DLG2: variants seen among roughly 807,000 people sequenced by gnomAD.
The protein encoded by DLG2 is discs large MAGUK scaffold protein 2, also known as disks large homolog 2.
DLG2 carries 45 observed loss-of-function variants against 132.5 expected under a neutral mutation model. The ratio of observed to expected loss-of-function variants is 0.34; its 90% CI spans 0.27 to 0.44. The LOEUF (loss-of-function observed/expected upper bound fraction) is 0.44. Ranked by LOEUF, DLG2 falls within the 20% of genes least tolerant of loss-of-function variation. DLG2 has a pLI of 1.00. For missense variants in DLG2, 1,045 were observed against 1,196.9 expected, an observed-to-expected ratio of 0.87 and a Z score of 1.87; for synonymous variants, 424 against 419.6, an observed-to-expected ratio of 1.01 and a Z score of -0.13.
chr11:83,487,822 G>T (rs1285863617), intron 21 of DLG2, among the ~76,000 whole-genome samples: 3 of 151,890 alleles, frequency 2.0e-5, no homozygotes, highest in Non-Finnish European at 4.4e-5. Context: ...AAGAATTTAA[G>T]TGTGACAGGC....
intron 7 of DLG2, among the ~76,000 whole-genome samples, chr11:84,530,817 C>G (rs150377763): frequency 6.6e-6 from 1 of 152,196 alleles, no homozygotes; most frequent in Non-Finnish European, 1.5e-5. Flanking sequence ...TTAAGACACA[C>G]GCAAAGGTAT....
chr11:84,162,990 T>C (rs1204853670), intron 9 of DLG2, among the ~76,000 whole-genome samples: 1 of 152,150 alleles, frequency 6.6e-6, no homozygotes, highest in Non-Finnish European at 1.5e-5. Context: ...TACCAGCATA[T>C]TTGCAGAGCT....
chr11:84,281,730 G>C (rs1476195991), intron 7 of DLG2, among the ~76,000 whole-genome samples: 1 of 151,894 alleles, frequency 6.6e-6, no homozygotes, highest in Non-Finnish European at 1.5e-5. Flanking sequence ...CTTCACCAGT[G>C]AAGATATAGG....
chr11:85,512,481 T>A (rs1478553879), intron 3 of DLG2, among the ~76,000 whole-genome samples: 2 of 152,126 alleles, frequency 1.3e-5, no homozygotes, highest in Non-Finnish European at 2.9e-5. Context: ...AATATTATAT[T>A]GTGACCTTTC....
At chr11:85,510,255 A>G (rs1479714237) in intron 3 of DLG2, among the ~76,000 whole-genome samples, 2 of 152,058 alleles carry the variant, frequency 1.3e-5, no homozygotes, top group Non-Finnish European at 2.9e-5. Flanking sequence ...CAGAAGTCAT[A>G]CCAGGAAGAA....
At chr11:84,977,141 G>T (rs545500703) in intron 6 of DLG2, among the ~76,000 whole-genome samples, 1 of 152,122 alleles carries the variant, frequency 6.6e-6, no homozygotes, top group African/African-American at 2.4e-5. Context: ...ACTCCAAGGG[G>T]TGTATGCTGA....
intron 11 of DLG2, among the ~76,000 whole-genome samples, chr11:84,041,612 G>C (rs1764664758): frequency 6.6e-6 from 1 of 151,932 alleles, no homozygotes; most frequent in Non-Finnish European, 1.5e-5. Flanking sequence ...ATGTCTTCCT[G>C]TTTTACTCTG....
At chr11:84,691,482 A>G (rs1203226966) in intron 6 of DLG2, among the ~76,000 whole-genome samples, 1 of 151,892 alleles carries the variant, frequency 6.6e-6, no homozygotes, top group African/African-American at 2.4e-5. Flanking sequence ...AAACTATGTT[A>G]AAGCATTTTA....
intron 6 of DLG2, among the ~76,000 whole-genome samples, chr11:84,582,475 A>G (rs2099518880): frequency 6.7e-6 from 1 of 148,686 alleles, no homozygotes; most frequent in African/African-American, 2.4e-5. Flanking sequence ...ACATATAAAT[A>G]CATATATAAT....
intron 7 of DLG2, among the ~76,000 whole-genome samples, chr11:84,364,575 C>T (rs1178330220): frequency 6.6e-6 from 1 of 152,160 alleles, no homozygotes; most frequent in Non-Finnish European, 1.5e-5. Context: ...GAGAGGACAT[C>T]CCTGTCTTGT....
chr11:85,422,453 C>A (rs1197966450), intron 3 of DLG2, among the ~76,000 whole-genome samples: 1 of 151,276 alleles, frequency 6.6e-6, no homozygotes, highest in East Asian at 1.9e-4. Context: ...AAATTTCTTT[C>A]TTCTACTTGT....
At position 83,982,829 on chromosome 11, in the gene DLG2, TTTTA is replaced by T. The variant is rs1485080138; in HGVS notation, c.920-2191_920-2188del. On this transcript the variant is annotated intron_variant, in intron 11 of 27. Transcript: ENST00000376104. ...CTGTACAGATGTACCGTTGTTTATC[TTTTA>T]TTTTTTACTGTACTTTTTCTATGTT... 3.3e-5 allele frequency among the ~76,000 whole-genome samples: 5 copies of T among 152,254 alleles called. No homozygotes were observed. The East Asian group carries it at 7.7e-4, about 24-fold the overall frequency.
At chr11:83,796,921 G>A (rs1485697226) in intron 17 of DLG2, among the ~76,000 whole-genome samples, 1 of 152,152 alleles carries the variant, frequency 6.6e-6, no homozygotes, top group African/African-American at 2.4e-5. Flanking sequence ...AAAAAAGTCA[G>A]AATTCTGTGG....
chr11:83,837,930 T>C (rs1315113601), intron 16 of DLG2, among the ~76,000 whole-genome samples: 3 of 152,072 alleles, frequency 2.0e-5, no homozygotes, highest in African/African-American at 4.8e-5. Context: ...ATTTTAAACG[T>C]AGAGGCCAAC....
chr11:85,338,844 A>G (rs2082300193), intron 3 of DLG2, among the ~76,000 whole-genome samples: 1 of 151,152 alleles, frequency 6.6e-6, no homozygotes, highest in African/African-American at 2.4e-5. Flanking sequence ...AGCTGGGACT[A>G]CAGGAGCCCA....
At chr11:84,411,622 A>G (rs1487448662) in intron 7 of DLG2, among the ~76,000 whole-genome samples, 1 of 152,058 alleles carries the variant, frequency 6.6e-6, no homozygotes, top group Non-Finnish European at 1.5e-5. Flanking sequence ...TAAGAGGTGG[A>G]TGGTAGTAAG....
At chr11:84,047,316 A>G (rs1482748937) in intron 11 of DLG2, among the ~76,000 whole-genome samples, 1 of 151,654 alleles carries the variant, frequency 6.6e-6, no homozygotes, top group African/African-American at 2.4e-5. Context: ...GTAAACAAAA[A>G]GAAGAACACT....
At chr11:84,616,306 T>G (rs1268106236) in intron 6 of DLG2, among the ~76,000 whole-genome samples, 3 of 152,142 alleles carry the variant, frequency 2.0e-5, no homozygotes, top group Non-Finnish European at 4.4e-5. Context: ...ACTATAAAGT[T>G]TGTGGGACTG....
At chr11:85,283,627 T>C (rs927409733) in intron 4 of DLG2, among the ~76,000 whole-genome samples, 4 of 151,766 alleles carry the variant, frequency 2.6e-5, no homozygotes, top group Non-Finnish European at 5.9e-5. Flanking sequence ...CCAATAATCA[T>C]GTAAAAAGTT....
Sources: allele counts gnomAD v4.1 joint callset (sites outside exome capture counted in the v4.1 genomes callset), GRCh38; gene constraint gnomAD v4.1.1; transcripts MANE v1.5; gene names NCBI Gene and HGNC (gene_info 2026-07-23, HGNC 2026-07-21).